Variants in KDM4B observed in about 807,000 individuals in gnomAD.
The protein encoded by KDM4B is lysine demethylase 4B.
Under a neutral mutation model 125.2 loss-of-function variants are expected in KDM4B, and 32 were observed. The observed-to-expected ratio is 0.26, with a 90% confidence interval of 0.19 to 0.34. KDM4B has a LOEUF of 0.34. Ranked by LOEUF, KDM4B falls within the 10% of genes least tolerant of loss-of-function variation. KDM4B has a pLI of 1.00. For missense variants in KDM4B, 1,190 were observed against 1,577.7 expected (o/e 0.75, Z 4.16); for synonymous variants, 721 against 677.9 (o/e 1.06, Z -0.99).
At chr19:5,014,875 G>A (rs771719944) in intron 1 of KDM4B, among the ~76,000 whole-genome samples, 4 of 151,938 alleles carry the variant, frequency 2.6e-5, no homozygotes, top group Non-Finnish European at 4.4e-5. Context: ...GGCGCCTGTA[G>A]TCCCAGCTAT....
rs915480603 is a variant in KDM4B, at chr19:5,034,808, C to T, written c.141+1777C>T. Among the ~76,000 whole-genome samples the T allele has an allele frequency of 4.6e-5, 7 of 152,270 alleles. No individual in the cohort carries two copies. In the South Asian group the frequency reaches 1.4e-3, roughly 32 times the overall value. Reference sequence around the variant, plus strand: ...AGCAGTCTCGCACCATCTTTTCTTCCCCTCCAAGATGGATGTTTTTTCTGT... The same window carrying T: ...AGCAGTCTCGCACCATCTTTTCTTCTCCTCCAAGATGGATGTTTTTTCTGT... On this transcript the variant is annotated intron_variant, in intron 3 of 22. Coordinates refer to ENST00000159111, the MANE Select transcript of KDM4B (RefSeq NM_015015.3).
rs556870093 is a variant in KDM4B at position 5,043,067 on chromosome 19, T to G, written c.432+1816T>G. Among the ~76,000 whole-genome samples, 10 of 151,226 alleles carry G rather than the reference T, an allele frequency of 6.6e-5. No homozygotes were observed. In the East Asian group the frequency reaches 2.0e-3, roughly 30 times the overall value. On this transcript the variant is annotated intron_variant, in intron 5 of 22. Coordinates refer to ENST00000159111, the MANE Select transcript of KDM4B (RefSeq NM_015015.3). ...GAACATTTGGGACCTTGGAGCTTTT[T>G]GGGTTTTGGATTTTTGGAGCGGGGG...
In KDM4B at chr19:5,082,537, C is replaced by A; in HGVS notation, c.918+33C>A. 1 of 1,551,644 alleles carries A rather than the reference C, an allele frequency of 6.4e-7. No individual in the cohort carries two copies. The highest frequency in any genetic ancestry group is 1.2e-5 in the South Asian group (1 of 80,648). Reference sequence around the variant, plus strand: ...CTTGCCTGCTGGGAACGGGTCCCAGCAGGGCGGGAGGAGGCTCTTTTTTGC... The same window carrying A: ...CTTGCCTGCTGGGAACGGGTCCCAGAAGGGCGGGAGGAGGCTCTTTTTTGC... On this transcript the variant is annotated intron_variant, in intron 9 of 22. Transcript: ENST00000159111. This position sits in a 1 kb window ranked among gnomAD's most constrained non-coding sequence, Gnocchi z 5.4.
At chr19:5,090,698 C>T (rs1381738056) in intron 9 of KDM4B, among the ~76,000 whole-genome samples, 1 of 135,682 alleles carries the variant, frequency 7.4e-6, no homozygotes, top group African/African-American at 2.8e-5. Flanking sequence ...CAAGTGCCGA[C>T]TCTGGGCCTT....
Position 5,062,644 on chromosome 19 carries a change from C to G in KDM4B, c.627-8366C>G, listed in dbSNP as rs140317110. Among the ~76,000 whole-genome samples the G allele has an allele frequency of 9.9e-5, 15 of 152,116 alleles. No homozygotes were observed. The East Asian group carries it at 2.9e-3, about 29-fold the overall frequency. ...ATGTTCTTTCTGCTGTAGAGGAAAC[C>G]CTCTTTTTGTTGACTTTTTTTTTTA... On this transcript the variant is annotated intron_variant, in intron 6 of 22. Transcript: ENST00000159111.
chr19:5,003,805 G>A lies in KDM4B; in HGVS notation c.-108-12452G>A, dbSNP rs928619060. On this transcript the variant is annotated intron_variant, in intron 1 of 22. Coordinates refer to ENST00000159111, the MANE Select transcript of KDM4B (RefSeq NM_015015.3). ...GCCTGGGTGACGAGAGTGAGACCCC[G>A]TCTAAAAAAAAGGTCCCTGCTTACC... 2.8e-4 allele frequency among the ~76,000 whole-genome samples: 43 copies of A among 151,962 alleles called. 1 individual carries two copies. Among genetic ancestry groups the A allele is most frequent in the Admixed American group, 2.6e-3 (39 of 15,260 alleles).
At chr19:5,129,023 G>A (rs1453102545) in intron 11 of KDM4B, among the ~76,000 whole-genome samples, 1 of 152,226 alleles carries the variant, frequency 6.6e-6, no homozygotes, top group Non-Finnish European at 1.5e-5. Context: ...AGAATGCTCA[G>A]GACTAGCAGG....
chr19:5,131,120 C>T lies in KDM4B; in HGVS notation c.1360C>T (p.Arg454Trp), dbSNP rs760204550. ...KLRPTKAKSE[R>W]KKKSFGLLPP... ...GCGGCCAACCAAGGCCAAGAGCGAGCGGAAGAAGAAGAGCTTCGGCCTGCT... is the reference window on the plus strand; with the variant it reads ...GCGGCCAACCAAGGCCAAGAGCGAGTGGAAGAAGAAGAGCTTCGGCCTGCT... The change falls in exon 12 of 23, where the codon CGG (arginine) becomes TGG (tryptophan). Residue 454 changes from arginine (R) to tryptophan (W), a missense_variant. Physicochemically the swap from Arg to Trp is moderately radical, Grantham distance 101 (BLOSUM62 -3). Around this residue, in one of 7 missense-constraint regions of KDM4B, gnomAD observed 428 missense variants for 405.1 expected, o/e 1.06. Transcript: ENST00000159111. 43 of 1,526,272 alleles carry T rather than the reference C, an allele frequency of 2.8e-5. No individual in the cohort carries two copies. Among genetic ancestry groups the T allele is most frequent in the East Asian group, 9.1e-5 (4 of 43,998 alleles). The allele number at this position is 1,526,272 out of a possible 1,614,324, so 94.5% of individuals were successfully genotyped here. A position where few individuals can be genotyped will look rare whatever the true frequency, so the allele number is the denominator to read the frequency against.
intron 11 of KDM4B, among the ~76,000 whole-genome samples, chr19:5,122,428 G>A (rs1288486573): frequency 6.6e-6 from 1 of 152,200 alleles, no homozygotes. Context: ...GGATAAGGAT[G>A]CAGATGCCTT....
At chr19:5,085,404 G>T (rs1042339751) in intron 9 of KDM4B, among the ~76,000 whole-genome samples, 1 of 152,246 alleles carries the variant, frequency 6.6e-6, no homozygotes, top group Non-Finnish European at 1.5e-5. Flanking sequence ...CCCAGCAGCA[G>T]ATTGAGCTGT....
rs187655942 is a variant in KDM4B, at chr19:5,151,574, C to T, written c.*63C>T. On this transcript the variant is annotated 3_prime_UTR_variant, in exon 23 of 23. Coordinates refer to ENST00000159111, the MANE Select transcript of KDM4B (RefSeq NM_015015.3). ...GAGGCCATGGCATGCCCCGGGCGTT[C>T]GCTTGCTGTGAATTCCTGTCCTCGT... 22 of 1,257,692 alleles carry T rather than the reference C, an allele frequency of 1.7e-5. No individual in the cohort carries two copies. The South Asian group carries it at 2.4e-4, about 14-fold the overall frequency. 77.9% of individuals were successfully genotyped at this position (1,257,692 alleles called of 1,614,324 possible).
At chr19:5,136,859 A>G (rs2039657341) in intron 15 of KDM4B, among the ~76,000 whole-genome samples, 1 of 152,142 alleles carries the variant, frequency 6.6e-6, no homozygotes, top group Non-Finnish European at 1.5e-5. Context: ...ACCCAGGGCC[A>G]CATCCCACAG....
chr19:5,040,041 C>T (rs749217472), intron 4 of KDM4B, 30 bp downstream of exon 4: 3 of 1,583,238 alleles, frequency 1.9e-6, no homozygotes, highest in African/African-American at 1.3e-5. Flanking sequence ...CGGACCTGAC[C>T]CCCGCCCCCG....
intron 1 of KDM4B, among the ~76,000 whole-genome samples, chr19:5,001,174 A>G (rs1225860949): frequency 2.6e-5 from 4 of 152,022 alleles, no homozygotes; most frequent in African/African-American, 9.7e-5. Flanking sequence ...CTGAGACCAC[A>G]GGTGTGTGCC....
At position 5,040,015 on chromosome 19, in the gene KDM4B, C is replaced by CGCGGG. The variant is rs1491357300; in HGVS notation, c.317+10_317+14dup. 2 of 1,608,276 alleles carry CGCGGG rather than the reference C, an allele frequency of 1.2e-6. No individual in the cohort carries two copies. The highest frequency in any genetic ancestry group is 1.7e-6 in the Non-Finnish European group (2 of 1,176,854). On this transcript the variant is annotated splice_donor_region_variant and intron_variant, in intron 4 of 22. Transcript: ENST00000159111. ...GCCGCCTGGCCAACAGCGAGAAGTA[C>CGCGGG]GCGGGGCGGGCAGGGCGGACCTGAC...
At chr19:5,123,969 C>A (rs2039406717) in intron 11 of KDM4B, among the ~76,000 whole-genome samples, 1 of 151,320 alleles carries the variant, frequency 6.6e-6, no homozygotes, top group Non-Finnish European at 1.5e-5. Context: ...CGTGACCATT[C>A]TCCCCACAGG....
chr19:4,976,625 C>G (rs1227546333), intron 1 of KDM4B, among the ~76,000 whole-genome samples: 3 of 152,224 alleles, frequency 2.0e-5, no homozygotes, highest in Non-Finnish European at 4.4e-5. Flanking sequence ...GTGCTAGCGC[C>G]CCCGATGGGA....
chr19:5,026,995 G>A (rs2036299998), intron 2 of KDM4B, among the ~76,000 whole-genome samples: 1 of 152,222 alleles, frequency 6.6e-6, no homozygotes, highest in African/African-American at 2.4e-5. Flanking sequence ...GCTCCAGCCA[G>A]CTCACACCAC....
At chr19:5,109,291 C>T (rs1244044268) in intron 9 of KDM4B, among the ~76,000 whole-genome samples, 1 of 152,212 alleles carries the variant, frequency 6.6e-6, no homozygotes, top group Non-Finnish European at 1.5e-5. Flanking sequence ...CTCCTGGGAT[C>T]TGAGTGCCAT....
Sources: gnomAD v4.1 joint callset for allele counts (sites outside exome capture counted in the v4.1 genomes callset) on GRCh38, gnomAD v4.1.1 for gene constraint, gnomAD v4.1.1 regional missense constraint, Gnocchi (gnomAD v3.1) non-coding constraint, MANE v1.5 for transcripts, NCBI Gene and HGNC (gene_info 2026-07-23, HGNC 2026-07-21) for gene names.